SPOUT1: variants seen among roughly 807,000 people sequenced by gnomAD.
The protein encoded by SPOUT1 is SPOUT domain containing methyltransferase 1.
SPOUT1 carries 40 observed loss-of-function variants against 54.8 expected under a neutral mutation model. The ratio of observed to expected loss-of-function variants is 0.73; its 90% CI spans 0.57 to 0.95. SPOUT1 has a LOEUF of 0.95. SPOUT1 is among the 40% of genes least tolerant of loss of function. The pLI is 0.00. For missense variants in SPOUT1, 437 were observed against 499.5 expected (o/e 0.87, Z 1.19); for synonymous variants, 193 against 200.3 (o/e 0.96, Z 0.31).
chr9:128,829,717 T>C (rs1589598013), intron 1 of SPOUT1, 28 bp downstream of exon 1: 8 of 1,564,194 alleles, frequency 5.1e-6, no homozygotes, highest in East Asian at 4.6e-5. Flanking sequence ...CATGCTGCCC[T>C]GCACGGGGTC....
At position 128,821,167 on chromosome 9, in the gene SPOUT1, C is replaced by A. The variant is rs911450560; in HGVS notation, c.*1598G>T. On this transcript the variant is annotated 3_prime_UTR_variant, in exon 12 of 12. Coordinates refer to ENST00000361256, the MANE Select transcript of SPOUT1 (RefSeq NM_016390.4). Reference sequence around the variant, plus strand: ...TGCCAATATGGAACCCCCCGCAGGTCTGCAGTGCACCAAGCTCTCCCACCT... The same window carrying A: ...TGCCAATATGGAACCCCCCGCAGGTATGCAGTGCACCAAGCTCTCCCACCT... 2.6e-6 allele frequency: 1 copy of A among 378,722 alleles called. No individual in the cohort carries two copies. The allele number at this position is 378,722 out of a possible 1,614,324, so 23.5% of individuals were successfully genotyped here. A position where few individuals can be genotyped will look rare whatever the true frequency, so the allele number is the denominator to read the frequency against.
intron 3 of SPOUT1, among the ~76,000 whole-genome samples, chr9:128,827,783 A>G (rs1244684834): frequency 2.6e-5 from 4 of 152,218 alleles, no homozygotes; most frequent in Non-Finnish European, 5.9e-5. Flanking sequence ...TTAGCTGGGC[A>G]TGGTGGCGCA....
rs202019144 is a variant in SPOUT1 at position 128,824,295 on chromosome 9, TGTGTGC to T, written c.812-127_812-122del. The T allele has an allele frequency of 4.4e-3, 2,618 of 590,354 alleles. 3 individuals carry two copies. The highest frequency in any genetic ancestry group is 0.016 in the African/African-American group (858 of 53,078). 36.6% of individuals were successfully genotyped at this position (590,354 alleles called of 1,614,324 possible). A position where few individuals can be genotyped will look rare whatever the true frequency, so the allele number is the denominator to read the frequency against. On this transcript the variant is annotated intron_variant, in intron 9 of 11. Transcript: ENST00000361256. ...GAGCTGTGTGGTGTGTGTGTGTGTG[TGTGTGC>T]GTGTGTGTACTAAGGTAGGGGTGGG... is the stretch of plus-strand genomic sequence containing the variant.
chr9:128,826,611 G>A lies in SPOUT1; in HGVS notation c.387C>T (p.Phe129=). 1 of 1,590,936 alleles carries A rather than the reference G, an allele frequency of 6.3e-7. No individual in the cohort carries two copies. Among genetic ancestry groups the A allele is most frequent in the South Asian group, 1.2e-5 (1 of 86,118 alleles). Residue 129 remains phenylalanine (F), a synonymous_variant, in exon 5 of 12, where the codon TTC becomes TTT. Coordinates refer to ENST00000361256, the MANE Select transcript of SPOUT1 (RefSeq NM_016390.4). The surrounding 1 kb of genome is among the most constrained non-coding windows in gnomAD (Gnocchi z 5.5). The stretch of plus-strand genomic sequence containing the variant: ...CCTGCCCCTTCTTCCCAACTCCTGT[G>A]AATTCCCCCTCCACAGTCCTGGAGA... ...GQDAKTVEGE[F]TGVGKKGQAC...
Position 128,827,029 on chromosome 9 carries a change from T to TA in SPOUT1, c.368+2dup. 1 of 1,613,460 alleles carries TA rather than the reference T, an allele frequency of 6.2e-7. No individual in the cohort carries two copies. The highest frequency in any genetic ancestry group is 8.5e-7 in the Non-Finnish European group (1 of 1,179,592). ...CCTGGCACCCTGTGGGATGGCCCCT[T>TA]ACTTGGCATCCTGGCCCTCCTCATC... On this transcript the variant is annotated splice_region_variant and intron_variant, in intron 4 of 11. Coordinates refer to ENST00000361256, the MANE Select transcript of SPOUT1 (RefSeq NM_016390.4).
intron 3 of SPOUT1, among the ~76,000 whole-genome samples, chr9:128,828,303 C>T (rs1589596844): frequency 6.6e-6 from 1 of 152,232 alleles, no homozygotes. Context: ...CGAGACCGGC[C>T]TCCCCAACAT....
Position 128,822,705 on chromosome 9 carries a change from G to T in SPOUT1, c.*60C>A. 1 of 1,554,464 alleles carries T rather than the reference G, an allele frequency of 6.4e-7. No individual in the cohort carries two copies. Among genetic ancestry groups the T allele is most frequent in the South Asian group, 1.2e-5 (1 of 84,298 alleles). ...AAGTCTGGTGGCGTCCGTCCCAAGTGACCTGCAGAGCCCCTGGTTTCACTG... is the reference window on the plus strand; with the variant it reads ...AAGTCTGGTGGCGTCCGTCCCAAGTTACCTGCAGAGCCCCTGGTTTCACTG... On this transcript the variant is annotated 3_prime_UTR_variant, in exon 12 of 12. Coordinates refer to ENST00000361256, the MANE Select transcript of SPOUT1 (RefSeq NM_016390.4).
rs959684605 is a variant in SPOUT1 at position 128,820,568 on chromosome 9, A to G, written c.*2197T>C. On this transcript the variant is annotated 3_prime_UTR_variant, in exon 12 of 12. Coordinates refer to ENST00000361256, the MANE Select transcript of SPOUT1 (RefSeq NM_016390.4). ...GACAGAGGGTGGTGGCTAGCACTCTATCAGCCCTGGGTTTCAGGGAGTGAC... is the reference window on the plus strand; with the variant it reads ...GACAGAGGGTGGTGGCTAGCACTCTGTCAGCCCTGGGTTTCAGGGAGTGAC... The G allele has an allele frequency of 4.0e-5, 25 of 621,468 alleles. No homozygotes were observed. Among genetic ancestry groups the G allele is most frequent in the Admixed American group, 8.2e-5 (3 of 36,642 alleles). The allele number at this position is 621,468 out of a possible 1,614,324, so 38.5% of individuals were successfully genotyped here.
At chr9:128,824,235 A>ATG (rs1284716768) in intron 9 of SPOUT1, 61 bp from the exon 10 acceptor site, 17 of 561,808 alleles carry the variant, frequency 3.0e-5, no homozygotes, top group Non-Finnish European at 5.1e-5. Context: ...TCCGGGTATT[A>ATG]TGTGTGTGTG....
intron 7 of SPOUT1, 144 bp from the exon 8 acceptor site, chr9:128,825,193 C>T (rs554306567): frequency 6.6e-5 from 42 of 637,402 alleles, no homozygotes; most frequent in African/African-American, 1.8e-4. Context: ...CCCCTGGCAC[C>T]GGCTGAACCT....
chr9:128,826,955 C>A lies in SPOUT1; in HGVS notation c.368+77G>T, dbSNP rs2977991. On this transcript the variant is annotated intron_variant, in intron 4 of 11. Transcript: ENST00000361256. The surrounding 1 kb of genome is among the most constrained non-coding windows in gnomAD (Gnocchi z 5.5). ...GGAAGAGCCAGGCATGTGGACGGGGCCATGGTGAAGCCTCGGCCCATCCCG... is the reference window on the plus strand; with the variant it reads ...GGAAGAGCCAGGCATGTGGACGGGGACATGGTGAAGCCTCGGCCCATCCCG... 1.4e-6 allele frequency: 2 copies of A among 1,434,734 alleles called. No individual in the cohort carries two copies. Among genetic ancestry groups the A allele is most frequent in the Non-Finnish European group, 9.7e-7 (1 of 1,035,062 alleles). 88.9% of individuals were successfully genotyped at this position (1,434,734 alleles called of 1,614,324 possible).
At chr9:128,829,654 G>A in intron 1 of SPOUT1, 91 bp downstream of exon 1, 22 of 991,760 alleles carry the variant, frequency 2.2e-5, no homozygotes, top group Non-Finnish European at 3.3e-5. Flanking sequence ...GCAGCAGGAG[G>A]CGCGGCCCGG....
In SPOUT1 at chr9:128,826,815, C is replaced by T. The variant is rs1025305891; in HGVS notation, c.369-186G>A. On this transcript the variant is annotated intron_variant, in intron 4 of 11. Transcript: ENST00000361256. This position sits in a 1 kb window ranked among gnomAD's most constrained non-coding sequence, Gnocchi z 5.5. The stretch of plus-strand genomic sequence containing the variant: ...GCATGCACTCCAGCCGGGGTGACAG[C>T]TGAGATACAGGTTTAGGCCTTCTGG... 6.6e-6 allele frequency among the ~76,000 whole-genome samples: 1 copy of T among 152,118 alleles called. No individual in the cohort carries two copies. Among genetic ancestry groups the T allele is most frequent in the Non-Finnish European group, 1.5e-5 (1 of 68,020 alleles).
At chr9:128,825,898 G>A (rs1589594863) in intron 7 of SPOUT1, 124 bp downstream of exon 7, 1 of 1,262,126 alleles carries the variant, frequency 7.9e-7, no homozygotes, top group Non-Finnish European at 1.1e-6. Context: ...CAATTCTCTG[G>A]CCCAAATTTG....
chr9:128,822,930 C>T (rs1260880998), intron 11 of SPOUT1, 97 bp from the exon 12 acceptor site: 10 of 820,328 alleles, frequency 1.2e-5, no homozygotes, highest in Non-Finnish European at 1.9e-5. Context: ...GAGACCTGGC[C>T]CACTGGGGTC....
chr9:128,826,737 G>A lies in SPOUT1; in HGVS notation c.369-108C>T. 1 of 825,020 alleles carries A rather than the reference G, an allele frequency of 1.2e-6. No individual in the cohort carries two copies. The highest frequency in any genetic ancestry group is 2.5e-5 in the East Asian group (1 of 39,380). 51.1% of individuals were successfully genotyped at this position (825,020 alleles called of 1,614,324 possible). On this transcript the variant is annotated intron_variant, in intron 4 of 11. Coordinates refer to ENST00000361256, the MANE Select transcript of SPOUT1 (RefSeq NM_016390.4). This position sits in a 1 kb window ranked among gnomAD's most constrained non-coding sequence, Gnocchi z 5.5. The stretch of plus-strand genomic sequence containing the variant: ...AGCTACTCAGGAGGCTAAGGTGGGA[G>A]GATCATCTGAGTGCAGCAAGTAGAG...
intron 7 of SPOUT1, 26 bp downstream of exon 7, chr9:128,825,996 G>A (rs377650646): frequency 6.2e-7 from 1 of 1,614,022 alleles, no homozygotes; most frequent in Non-Finnish European, 8.5e-7. Flanking sequence ...CTGGAGGTGT[G>A]TCCTAGCCCA....
At chr9:128,829,602 G>C in intron 1 of SPOUT1, 143 bp downstream of exon 1, 1 of 651,774 alleles carries the variant, frequency 1.5e-6, no homozygotes, top group Non-Finnish European at 2.6e-6. Context: ...AGGCTCACGC[G>C]GCACCTTCGG....
rs767888601 is a variant in SPOUT1, at chr9:128,826,194, C to T, written c.509-42G>A. 3.2e-6 allele frequency: 5 copies of T among 1,580,244 alleles called. No individual in the cohort carries two copies. The East Asian group carries it at 9.0e-5, about 28-fold the overall frequency. On this transcript the variant is annotated intron_variant, in intron 6 of 11. Coordinates refer to ENST00000361256, the MANE Select transcript of SPOUT1 (RefSeq NM_016390.4). The surrounding 1 kb of genome is among the most constrained non-coding windows in gnomAD (Gnocchi z 5.5). ...GGGAAGAGTCTGGGAAGTGCTAGGGCACACAGGGTGCAGTGGGGACCCTGG... is the reference window on the plus strand; with the variant it reads ...GGGAAGAGTCTGGGAAGTGCTAGGGTACACAGGGTGCAGTGGGGACCCTGG...
Sources: gnomAD v4.1 joint callset for allele counts (sites outside exome capture counted in the v4.1 genomes callset) on GRCh38, gnomAD v4.1.1 for gene constraint, Gnocchi (gnomAD v3.1) non-coding constraint, MANE v1.5 for transcripts, NCBI Gene and HGNC (gene_info 2026-07-23, HGNC 2026-07-21) for gene names.